The following CYP2B6 variants were observed in gnomAD, a reference collection of about 807,000 sequenced individuals.
CYP2B6 encodes cytochrome P450 2B6.
Under a neutral mutation model 43.4 loss-of-function variants are expected in CYP2B6, and 35 were observed. The ratio of observed to expected loss-of-function variants is 0.81; its 90% CI spans 0.62 to 1.07. The LOEUF (loss-of-function observed/expected upper bound fraction) is 1.07. Among genes scored for constraint, CYP2B6 ranks in the 50% least tolerant of loss-of-function variants. The pLI is 0.00. For missense variants in CYP2B6, 624 were observed against 632.8 expected (o/e 0.99, Z 0.15); for synonymous variants, 239 against 239.2 (o/e 1.00, Z 0.01).
intron 6 of CYP2B6, among the ~76,000 whole-genome samples, chr19:41,010,629 G>C (rs1266185562): frequency 6.6e-6 from 1 of 151,926 alleles, no homozygotes; most frequent in Non-Finnish European, 1.5e-5. Flanking sequence ...TAGCCAGGAT[G>C]GTCTCGATCT....
At chr19:40,999,175 T>C (rs915565029) in intron 1 of CYP2B6, among the ~76,000 whole-genome samples, 2 of 152,162 alleles carry the variant, frequency 1.3e-5, no homozygotes, top group African/African-American at 2.4e-5. Context: ...CTGATGGCCA[T>C]TGATGTTGAG....
intron 8 of CYP2B6, 104 bp from the exon 9 acceptor site, chr19:41,016,542 G>A: frequency 8.2e-7 from 1 of 1,226,660 alleles, no homozygotes; most frequent in Non-Finnish European, 1.2e-6. Flanking sequence ...CCAGTCTTAT[G>A]CAAATCTGTT....
chr19:41,002,242 T>C (rs1969103255), intron 1 of CYP2B6, among the ~76,000 whole-genome samples: 1 of 152,088 alleles, frequency 6.6e-6, no homozygotes, highest in South Asian at 2.1e-4. Context: ...GAAACAATTG[T>C]TAAGTGGAGT....
chr19:41,012,865 T>C, intron 8 of CYP2B6, 50 bp downstream of exon 8: 7 of 1,605,618 alleles, frequency 4.4e-6, no homozygotes, highest in Non-Finnish European at 4.3e-6. Flanking sequence ...GCAGGTACTA[T>C]CCCCAACTTG....
At position 41,016,399 on chromosome 19, in the gene CYP2B6, C is replaced by CAAAAAAA. The variant is rs869180190; in HGVS notation, c.1295-218_1295-212dup. Among the ~76,000 whole-genome samples, 139 of 76,832 alleles carry CAAAAAAA rather than the reference C, an allele frequency of 1.8e-3. 5 individuals are homozygous for CAAAAAAA. The highest frequency in any genetic ancestry group is 2.8e-3 in the Non-Finnish European group (103 of 36,196). 50.4% of individuals were successfully genotyped at this position (76,832 alleles called of 152,430 possible). On this transcript the variant is annotated intron_variant, in intron 8 of 8. Coordinates refer to ENST00000324071, the MANE Select transcript of CYP2B6 (RefSeq NM_000767.5). Reference sequence around the variant, plus strand: ...TGGGTGACAAAGAGAGACTCCATCTCAAAAAAAAAAAAAAAAAAAAAAAAA... The same window carrying CAAAAAAA: ...TGGGTGACAAAGAGAGACTCCATCTCAAAAAAAAAAAAAAAAAAAAAAAAAAAAAAAA...
Position 41,017,913 on chromosome 19 carries a change from G to C in CYP2B6, c.*1086G>C, listed in dbSNP as rs1177684850. On this transcript the variant is annotated 3_prime_UTR_variant, in exon 9 of 9. Coordinates refer to ENST00000324071, the MANE Select transcript of CYP2B6 (RefSeq NM_000767.5). Reference sequence around the variant, plus strand: ...CTGTCTCCCAGGCTGGAGTGCTATGGTGCAATTTTTGTTCACTGCAACCTC... The same window carrying C: ...CTGTCTCCCAGGCTGGAGTGCTATGCTGCAATTTTTGTTCACTGCAACCTC... 2.7e-5 allele frequency: 4 copies of C among 150,604 alleles called. No homozygotes were observed. The highest frequency in any genetic ancestry group is 5.9e-5 in the Non-Finnish European group (4 of 67,848). 9.3% of individuals were successfully genotyped at this position (150,604 alleles called of 1,614,324 possible).
rs869180190 is a variant in CYP2B6 at position 41,016,399 on chromosome 19, C to CAAA, written c.1295-214_1295-212dup. Among the ~76,000 whole-genome samples, 319 of 76,782 alleles carry CAAA rather than the reference C, an allele frequency of 4.2e-3. 9 individuals are homozygous for CAAA. Among genetic ancestry groups the CAAA allele is most frequent in the Non-Finnish European group, 6.9e-3 (249 of 36,180 alleles). The allele number at this position is 76,782 out of a possible 152,430, so 50.4% of individuals were successfully genotyped here. On this transcript the variant is annotated intron_variant, in intron 8 of 8. Coordinates refer to ENST00000324071, the MANE Select transcript of CYP2B6 (RefSeq NM_000767.5). ...TGGGTGACAAAGAGAGACTCCATCTCAAAAAAAAAAAAAAAAAAAAAAAAA... is the reference window on the plus strand; with the variant it reads ...TGGGTGACAAAGAGAGACTCCATCTCAAAAAAAAAAAAAAAAAAAAAAAAAAAA...
intron 5 of CYP2B6, 90 bp downstream of exon 5, chr19:41,009,485 G>A: frequency 7.9e-7 from 1 of 1,264,886 alleles, no homozygotes; most frequent in Non-Finnish European, 1.1e-6. Context: ...TAGGGAAGGG[G>A]AAGATGGGGA....
Position 41,009,202 on chromosome 19 carries a change from C to G in CYP2B6, c.646-17C>G, listed in dbSNP as rs12721646. ...GCTCAGCCCTAGGCAAACCTCACCA[C>G]CCCTTCTTTCTTGCAGCTGTTTGAG... On this transcript the variant is annotated splice_polypyrimidine_tract_variant and intron_variant, in intron 4 of 8. Transcript: ENST00000324071. The G allele has an allele frequency of 1.3e-5, 21 of 1,607,082 alleles. No individual in the cohort carries two copies. The highest frequency in any genetic ancestry group is 8.4e-5 in the Admixed American group (5 of 59,740).
intron 5 of CYP2B6, 27 bp downstream of exon 5, chr19:41,009,422 A>G (rs750228688): frequency 7.7e-5 from 56 of 727,150 alleles, no homozygotes; most frequent in Admixed American, 2.4e-4. Context: ...GAAAAAGGGA[A>G]GGGAGGGGAG....
chr19:41,012,802 C>T lies in CYP2B6; in HGVS notation c.1281C>T (p.Ile427=), dbSNP rs761312899. ...NGALKKTEAF[I]PFSLGKRICL... is the part of the protein sequence containing the mutation. ...CACTGAAAAAGACTGAAGCTTTTAT[C>T]CCCTTCTCCTTAGGTAAGCTGGACC... The change falls in exon 8 of 9, where the codon ATC becomes ATT. Residue 427 remains isoleucine, a synonymous_variant. Coordinates refer to ENST00000324071, the MANE Select transcript of CYP2B6 (RefSeq NM_000767.5). 10 of 1,614,032 alleles carry T rather than the reference C, an allele frequency of 6.2e-6. No individual in the cohort carries two copies. Among genetic ancestry groups the T allele is most frequent in the Non-Finnish European group, 8.5e-6 (10 of 1,180,038 alleles).
At chr19:41,015,980 A>T (rs1278077416) in intron 8 of CYP2B6, among the ~76,000 whole-genome samples, 1 of 144,104 alleles carries the variant, frequency 6.9e-6, no homozygotes, top group Non-Finnish European at 1.5e-5. Flanking sequence ...AAATGTGCTC[A>T]CACTCACACA....
At chr19:40,995,251 A>G (rs1275114136) in intron 1 of CYP2B6, among the ~76,000 whole-genome samples, 1 of 152,172 alleles carries the variant, frequency 6.6e-6, no homozygotes, top group African/African-American at 2.4e-5. Context: ...GCTTCTGGGG[A>G]AAAACTTCCC....
In CYP2B6 at chr19:41,012,547, G is replaced by A. The variant is rs190604416; in HGVS notation, c.1152+62G>A. On this transcript the variant is annotated intron_variant, in intron 7 of 8. Transcript: ENST00000324071. ...GGCATCCTGGATTCTCTTAATCCCC[G>A]AACTCAACCTTTTGTTAGCTCCTTA... 2.8e-4 allele frequency: 448 copies of A among 1,610,500 alleles called. No homozygotes were observed. The African/African-American group carries it at 4.3e-3, about 15-fold the overall frequency.
chr19:40,993,843 C>T (rs567222010), intron 1 of CYP2B6, among the ~76,000 whole-genome samples: 3 of 152,056 alleles, frequency 2.0e-5, no homozygotes, highest in Admixed American at 6.6e-5. Context: ...AAGATAAGAG[C>T]AATATTTGGT....
intron 1 of CYP2B6, among the ~76,000 whole-genome samples, chr19:40,995,584 G>T (rs973178553): frequency 9.2e-5 from 14 of 152,280 alleles, no homozygotes; most frequent in Admixed American, 2.6e-4. Context: ...ACATGCTTTG[G>T]CATAAAGTAT....
chr19:41,010,444 C>T (rs34906003), intron 6 of CYP2B6, among the ~76,000 whole-genome samples: 44,205 of 147,434 alleles, frequency 0.3, 7,152 homozygotes, highest in African/African-American at 0.41. Context: ...GACAGAGTCT[C>T]GCTCTGTCAC....
intron 6 of CYP2B6, among the ~76,000 whole-genome samples, chr19:41,011,081 G>A (rs181535627): frequency 1.3e-3 from 200 of 152,212 alleles, no homozygotes; most frequent in African/African-American, 4.6e-3. Flanking sequence ...TGAAACAGTG[G>A]TATGTTGATG....
chr19:40,994,221 A>T (rs1245881634), intron 1 of CYP2B6, among the ~76,000 whole-genome samples: 1 of 152,130 alleles, frequency 6.6e-6, no homozygotes, highest in Non-Finnish European at 1.5e-5. Flanking sequence ...ACTCTCAGGG[A>T]AACAATTTGG....
Sources: gnomAD v4.1 joint callset for allele counts (sites outside exome capture counted in the v4.1 genomes callset) on GRCh38, gnomAD v4.1.1 for gene constraint, MANE v1.5 for transcripts, NCBI Gene and HGNC (gene_info 2026-07-23, HGNC 2026-07-21) for gene names.